Variants in CELSR2 observed in about 807,000 individuals in gnomAD.
CELSR2 encodes the protein cadherin EGF LAG seven-pass G-type receptor 2.
CELSR2 carries 81 observed loss-of-function variants against 251.6 expected under a neutral mutation model. The ratio of observed to expected loss-of-function variants is 0.32; its 90% CI spans 0.27 to 0.39. The LOEUF (loss-of-function observed/expected upper bound fraction) is 0.39. Among genes scored for constraint, CELSR2 ranks in the 10% least tolerant of loss-of-function variants. The pLI, the probability that CELSR2 is intolerant of heterozygous loss-of-function variation, is 1.00. For synonymous variants in CELSR2, 1,721 were observed against 1,670.5 expected (o/e 1.03, Z -0.74); for missense variants, 3,365 against 3,947.7 (o/e 0.85, Z 3.96).
chr1:109,258,326 ACCCTTATG>A (rs1655918051), intron 1 of CELSR2, 98 bp from the exon 2 acceptor site: 16 of 748,110 alleles, frequency 2.1e-5, no homozygotes, highest in South Asian at 1.9e-4. Context: ...CTGGCTCAGC[ACCCTTATG>A]CCAGTTGGAA....
At position 109,258,511 on chromosome 1, in the gene CELSR2, G is replaced by T; in HGVS notation, c.3390G>T (p.Thr1130=). Residue 1130 remains threonine (T), a synonymous_variant, in exon 2 of 34, where the codon ACG becomes ACT. Transcript: ENST00000271332. ...ITDEMLTHSI[T]LRLEDMSPER... is the part of the protein sequence containing the mutation. ...ATGAGATGCTCACCCACAGCATCACGCTGCGCCTGGAGGACATGTCACCCG... is the reference window on the plus strand; with the variant it reads ...ATGAGATGCTCACCCACAGCATCACTCTGCGCCTGGAGGACATGTCACCCG... 3 of 1,602,788 alleles carry T rather than the reference G, an allele frequency of 1.9e-6. No homozygotes were observed. Among genetic ancestry groups the T allele is most frequent in the South Asian group, 2.2e-5 (2 of 89,020 alleles).
chr1:109,268,492 G>T, intron 17 of CELSR2, 89 bp from the exon 18 acceptor site: 1 of 1,465,632 alleles, frequency 6.8e-7, no homozygotes, highest in Non-Finnish European at 9.1e-7. Flanking sequence ...GTGGGGAGCA[G>T]GGACTGGCCC....
rs759131615 is a variant in CELSR2, at chr1:109,263,218, G to T, written c.4785G>T (p.Ala1595=). 1.1e-5 allele frequency: 18 copies of T among 1,593,774 alleles called. No individual in the cohort carries two copies. ...GCACTTGCGTGAACCAGTGGGACGC[G>T]TTCAGCTGCGAGTGCCCCCTGGGCT... ...NGGTCVNQWD[A]FSCECPLGFG... The change falls in exon 8 of 34, where the codon GCG becomes GCT. Residue 1595 remains alanine, a synonymous_variant. Transcript: ENST00000271332.
In CELSR2 at chr1:109,250,730, G is replaced by T; in HGVS notation, c.651G>T (p.Glu217Asp). ...DPDEGEAGRL[E>D]YTMDALFDSR... Reference sequence around the variant, plus strand: ...ACGAGGGTGAGGCAGGTCGACTGGAGTACACCATGGATGCCCTCTTTGATA... The same window carrying T: ...ACGAGGGTGAGGCAGGTCGACTGGATTACACCATGGATGCCCTCTTTGATA... Residue 217 changes from glutamate (E) to aspartate (D), a missense_variant, in exon 1 of 34, where the codon GAG (glutamate) becomes GAT (aspartate). This residue lies in a region of CELSR2 where 704 missense variants were observed against 784.1 expected (regional missense o/e 0.90). Coordinates refer to ENST00000271332, the MANE Select transcript of CELSR2 (RefSeq NM_001408.3). The surrounding 1 kb of genome is among the most constrained non-coding windows in gnomAD (Gnocchi z 4.4). 1 of 1,614,154 alleles carries T rather than the reference G, an allele frequency of 6.2e-7. No individual in the cohort carries two copies.
In CELSR2 at chr1:109,252,163, C is replaced by G; in HGVS notation, c.2084C>G (p.Thr695Arg). The change falls in exon 1 of 34, where the codon ACG (threonine) becomes AGG (arginine). Residue 695 changes from threonine (T) to arginine (R), a missense_variant. Transcript: ENST00000271332. The surrounding 1 kb of genome is among the most constrained non-coding windows in gnomAD (Gnocchi z 4.8). Reference protein sequence around the residue: ...VTASDGTRQDTAQIVVNVTDA... With the variant: ...VTASDGTRQDRAQIVVNVTDA... ...GCCTCCGATGGCACTCGGCAGGACACGGCACAGATTGTGGTGAATGTCACC... is the reference window on the plus strand; with the variant it reads ...GCCTCCGATGGCACTCGGCAGGACAGGGCACAGATTGTGGTGAATGTCACC... 6.2e-7 allele frequency: 1 copy of G among 1,613,990 alleles called. No homozygotes were observed. The highest frequency in any genetic ancestry group is 1.1e-5 in the South Asian group (1 of 91,080).
In CELSR2 at chr1:109,268,655, G is replaced by A; in HGVS notation, c.6393G>A (p.Glu2131=). ...KRHWELIQQT[E]GGTAWLLQHY... ...ACTGGGAGCTGATCCAGCAGACAGA[G>A]GGTGGCACCGCCTGGCTGCTCCAGC... The change falls in exon 18 of 34, where the codon GAG becomes GAA. Residue 2131 remains glutamate (E), a synonymous_variant. Transcript: ENST00000271332. 3 of 1,614,048 alleles carry A rather than the reference G, an allele frequency of 1.9e-6. No homozygotes were observed. The highest frequency in any genetic ancestry group is 1.3e-5 in the African/African-American group (1 of 75,058).
Position 109,264,194 on chromosome 1 carries a change from G to A in CELSR2, c.5118G>A (p.Leu1706=). The change falls in exon 10 of 34, where the codon CTG becomes CTA. Residue 1706 remains leucine, a synonymous_variant. Transcript: ENST00000271332. The stretch of plus-strand genomic sequence containing the variant: ...ACTGGCACCATGCACAGCTGGCACT[G>A]GGAGCCAGCGGGGGGCCCGGCCATG... ...DGDWHHAQLA[L]GASGGPGHAI... is the part of the protein sequence containing the mutation. The A allele has an allele frequency of 3.1e-6, 5 of 1,613,028 alleles. No individual in the cohort carries two copies. The highest frequency in any genetic ancestry group is 1.1e-5 in the South Asian group (1 of 91,078).
rs574468005 is a variant in CELSR2, at chr1:109,263,236, C to T, written c.4803C>T (p.Pro1601=). ...NQWDAFSCEC[P]LGFGGKSCAQ... ...GGGACGCGTTCAGCTGCGAGTGCCC[C>T]CTGGGCTTTGGGGGCAAGAGCTGCG... The change falls in exon 8 of 34, where the codon CCC becomes CCT. Residue 1601 remains proline (P), a synonymous_variant. Transcript: ENST00000271332. 1.3e-6 allele frequency: 2 copies of T among 1,587,308 alleles called. No homozygotes were observed. Among genetic ancestry groups the T allele is most frequent in the South Asian group, 2.2e-5 (2 of 90,130 alleles).
At chr1:109,263,939 G>A (rs1263924976) in intron 9 of CELSR2, 139 bp from the exon 10 acceptor site, 9 of 1,399,184 alleles carry the variant, frequency 6.4e-6, no homozygotes, top group Non-Finnish European at 7.6e-6. Flanking sequence ...TTGGGCCTGA[G>A]GGAAATAAAT....
chr1:109,251,115 T>G lies in CELSR2; in HGVS notation c.1036T>G (p.Ser346Ala), dbSNP rs760504883. 1.2e-6 allele frequency: 2 copies of G among 1,613,340 alleles called. No individual in the cohort carries two copies. Among genetic ancestry groups the G allele is most frequent in the Admixed American group, 3.3e-5 (2 of 60,002 alleles). Residue 346 changes from serine (S) to alanine (A), a missense_variant, in exon 1 of 34, where the codon TCT becomes GCT. Ser to Ala is a moderately conservative substitution (Grantham distance 99, BLOSUM62 1). Transcript: ENST00000271332. This position sits in a 1 kb window ranked among gnomAD's most constrained non-coding sequence, Gnocchi z 4.9. The part of the protein sequence containing the change: ...PSEVFEIDPR[S>A]GVIRTRGPVD... Reference sequence around the variant, plus strand: ...TGAAGTCTTTGAGATCGACCCTCGCTCTGGGGTGATCCGAACCCGTGGCCC... The same window carrying G: ...TGAAGTCTTTGAGATCGACCCTCGCGCTGGGGTGATCCGAACCCGTGGCCC...
In CELSR2 at chr1:109,253,076, G is replaced by A. The variant is rs773178233; in HGVS notation, c.2997G>A (p.Thr999=). The change falls in exon 1 of 34, where the codon ACG becomes ACA. Residue 999 remains threonine, a synonymous_variant. Coordinates refer to ENST00000271332, the MANE Select transcript of CELSR2 (RefSeq NM_001408.3). ...AGTACGTCCTGGTCATCCAGGCCAC[G>A]TCAGCTCCTCTGGTGAGCCGGGCTA... ...RPEYVLVIQA[T]SAPLVSRATV... 22 of 1,613,594 alleles carry A rather than the reference G, an allele frequency of 1.4e-5. No individual in the cohort carries two copies. The East Asian group carries it at 3.8e-4, about 28-fold the overall frequency.
chr1:109,266,923 A>G (rs946047977), intron 15 of CELSR2, among the ~76,000 whole-genome samples: 1 of 151,094 alleles, frequency 6.6e-6, no homozygotes, highest in Non-Finnish European at 1.5e-5. Flanking sequence ...GGGTTTCACC[A>G]TGTTGGCCAG....
At chr1:109,253,790 C>T (rs1655771407) in intron 1 of CELSR2, among the ~76,000 whole-genome samples, 1 of 152,226 alleles carries the variant, frequency 6.6e-6, no homozygotes, top group African/African-American at 2.4e-5. Context: ...GCCAGGGCCC[C>T]TTCACCCCCA....
chr1:109,260,946 C>T (rs937180255), intron 2 of CELSR2, 96 bp from the exon 3 acceptor site: 10 of 901,502 alleles, frequency 1.1e-5, no homozygotes, highest in South Asian at 7.9e-5. Flanking sequence ...ACGAGGGTCA[C>T]GGGAGGCCAT....
At chr1:109,263,294 C>A in intron 8 of CELSR2, 27 bp downstream of exon 8, 1 of 1,556,074 alleles carries the variant, frequency 6.4e-7, no homozygotes, top group Non-Finnish European at 8.7e-7. Context: ...TTAGAGGCCA[C>A]AGCCTGGGTG....
At position 109,265,173 on chromosome 1, in the gene CELSR2, C is replaced by T. The variant is rs374456887; in HGVS notation, c.5607-18C>T. 1.8e-5 allele frequency: 28 copies of T among 1,582,444 alleles called. No individual in the cohort carries two copies. The African/African-American group carries it at 3.5e-4, about 20-fold the overall frequency. On this transcript the variant is annotated intron_variant, in intron 12 of 33. Transcript: ENST00000271332. ...AGTGGCAGGGGGAGCTCATGCCTAC[C>T]TGGGTCCCTCTCTGCAGGATTGACC...
At chr1:109,253,850 C>T (rs1262711413) in intron 1 of CELSR2, among the ~76,000 whole-genome samples, 1 of 152,234 alleles carries the variant, frequency 6.6e-6, no homozygotes, top group Non-Finnish European at 1.5e-5. Flanking sequence ...CTGGGGACCA[C>T]GGGAGCACAG....
At chr1:109,268,475 G>C (rs1233542936) in intron 17 of CELSR2, 106 bp from the exon 18 acceptor site, 1 of 1,387,632 alleles carries the variant, frequency 7.2e-7, no homozygotes. Context: ...ACAGAGGGAG[G>C]GGCCTGGTGG....
chr1:109,269,454 C>T lies in CELSR2; in HGVS notation c.6843C>T (p.Pro2281=), dbSNP rs777607954. Residue 2281 remains proline, a synonymous_variant, in exon 21 of 34, where the codon CCC becomes CCT. Coordinates refer to ENST00000271332, the MANE Select transcript of CELSR2 (RefSeq NM_001408.3). This position sits in a 1 kb window ranked among gnomAD's most constrained non-coding sequence, Gnocchi z 6.4. The part of the protein sequence containing the change: ...RVPKRPIINT[P]VVSISVHDDE... ...CCAAACGCCCGATCATCAACACACC[C>T]GTGGTGAGCATCAGCGTCCATGATG... 9 of 1,613,922 alleles carry T rather than the reference C, an allele frequency of 5.6e-6. No homozygotes were observed. Among genetic ancestry groups the T allele is most frequent in the East Asian group, 2.2e-5 (1 of 44,900 alleles).
Sources: gnomAD v4.1 joint callset for allele counts (sites outside exome capture counted in the v4.1 genomes callset) on GRCh38, gnomAD v4.1.1 for gene constraint, gnomAD v4.1.1 regional missense constraint, Gnocchi (gnomAD v3.1) non-coding constraint, MANE v1.5 for transcripts, NCBI Gene and HGNC (gene_info 2026-07-23, HGNC 2026-07-21) for gene names.